Variants in BCAR3 observed in about 807,000 individuals in gnomAD.
BCAR3 encodes BCAR3 adaptor protein, NSP family member, also known as breast cancer anti-estrogen resistance protein 3.
In BCAR3, 37 loss-of-function variants were observed where a neutral mutation model predicts 80.1. The observed-to-expected ratio is 0.46, with a 90% confidence interval of 0.36 to 0.61. The LOEUF (loss-of-function observed/expected upper bound fraction) is 0.61. Ranked by LOEUF, BCAR3 falls within the 20% of genes least tolerant of loss-of-function variation. The pLI, the probability that BCAR3 is intolerant of heterozygous loss-of-function variation, is 0.00. For synonymous variants in BCAR3, 389 were observed against 418.9 expected (o/e 0.93, Z 0.87); for missense variants, 978 against 1,068.2 (o/e 0.92, Z 1.18).
intron 2 of BCAR3, among the ~76,000 whole-genome samples, chr1:93,777,870 T>C (rs1571120589): frequency 6.6e-6 from 1 of 152,374 alleles, no homozygotes; most frequent in African/African-American, 2.4e-5. Flanking sequence ...AATGAGTTGG[T>C]TCCCCAGTAT....
chr1:93,716,850 C>T (rs999368497), intron 2 of BCAR3, among the ~76,000 whole-genome samples: 2 of 152,220 alleles, frequency 1.3e-5, no homozygotes, highest in Non-Finnish European at 2.9e-5. Flanking sequence ...CTGCTTTATG[C>T]AGGAGATGGA....
intron 2 of BCAR3, among the ~76,000 whole-genome samples, chr1:93,762,635 A>G (rs926729795): frequency 2.0e-5 from 3 of 152,022 alleles, no homozygotes; most frequent in Non-Finnish European, 2.9e-5. Flanking sequence ...CCCGAACCCA[A>G]TCATTGTCAC....
At chr1:93,580,984 A>G (rs1352494136) in intron 7 of BCAR3, among the ~76,000 whole-genome samples, 1 of 152,150 alleles carries the variant, frequency 6.6e-6, no homozygotes, top group Non-Finnish European at 1.5e-5. Flanking sequence ...AACATGGCAA[A>G]ACCCTATCTC....
rs772902290 is a variant in BCAR3 at position 93,637,019 on chromosome 1, C to T, written c.357+5285G>A. On this transcript the variant is annotated intron_variant, in intron 3 of 11. Coordinates refer to ENST00000260502, the MANE Select transcript of BCAR3 (RefSeq NM_003567.4). The stretch of plus-strand genomic sequence containing the variant: ...GCTGAGGTGGGAGGATTGCTTGAGC[C>T]GAGGAGTTCAAAGCTTCAGTGAGCT... 3.3e-5 allele frequency among the ~76,000 whole-genome samples: 5 copies of T among 151,984 alleles called. No individual in the cohort carries two copies. The East Asian group carries it at 5.8e-4, about 18-fold the overall frequency.
chr1:93,760,353 A>G (rs1398835076), intron 2 of BCAR3, among the ~76,000 whole-genome samples: 1 of 152,078 alleles, frequency 6.6e-6, no homozygotes, highest in Non-Finnish European at 1.5e-5. Context: ...TCCAGCTTAT[A>G]AGGCGATAAA....
chr1:93,731,662 TAAAATAAAA>T (rs923522210), intron 2 of BCAR3, among the ~76,000 whole-genome samples: 4 of 123,002 alleles, frequency 3.3e-5, no homozygotes, highest in Non-Finnish European at 6.7e-5. Flanking sequence ...TAAAATAAAA[TAAAATAAAA>T]TAAAATAAAA....
At chr1:93,809,555 G>A (rs115770160) in intron 2 of BCAR3, among the ~76,000 whole-genome samples, 1,710 of 151,922 alleles carry the variant, frequency 0.011, 17 homozygotes, top group South Asian at 0.025. Context: ...ATCACCTGGG[G>A]TTAGGAGTTT....
At chr1:93,711,910 T>G (rs1015288623) in intron 2 of BCAR3, among the ~76,000 whole-genome samples, 1 of 152,138 alleles carries the variant, frequency 6.6e-6, no homozygotes, top group African/African-American at 2.4e-5. Flanking sequence ...ATGCCAACTC[T>G]TTTCAAACCC....
chr1:93,600,751 C>G (rs1674596505), intron 3 of BCAR3: 1 of 152,278 alleles, frequency 6.6e-6, no homozygotes, highest in South Asian at 2.1e-4. Context: ...GACAGTGACA[C>G]ATCTGTAGAG....
chr1:93,638,164 G>T (rs1164783174), intron 3 of BCAR3, among the ~76,000 whole-genome samples: 1 of 152,174 alleles, frequency 6.6e-6, no homozygotes, highest in Non-Finnish European at 1.5e-5. Context: ...CAGGATAATC[G>T]CTTGAACCTG....
chr1:93,583,867 C>A, intron 6 of BCAR3, 151 bp downstream of exon 6: 1 of 705,134 alleles, frequency 1.4e-6, no homozygotes, highest in Non-Finnish European at 2.4e-6. Context: ...GCTTCGCCGC[C>A]GGATATAATT....
intron 3 of BCAR3, among the ~76,000 whole-genome samples, chr1:93,614,613 C>T (rs550912542): frequency 6.6e-6 from 1 of 152,118 alleles, no homozygotes; most frequent in Non-Finnish European, 1.5e-5. Context: ...CAGCTGATAA[C>T]GTTGGCACAG....
intron 2 of BCAR3, among the ~76,000 whole-genome samples, chr1:93,817,752 T>A (rs1033613467): frequency 3.9e-5 from 6 of 152,168 alleles, no homozygotes; most frequent in Non-Finnish European, 5.9e-5. Flanking sequence ...ACATTCTCCA[T>A]CCTGGCTTTG....
intron 2 of BCAR3, among the ~76,000 whole-genome samples, chr1:93,815,204 G>T (rs1653973942): frequency 6.6e-6 from 1 of 152,166 alleles, no homozygotes; most frequent in African/African-American, 2.4e-5. Flanking sequence ...TCACCTCCCA[G>T]GTGGCCCAGA....
chr1:93,639,893 T>C (rs1233089545), intron 3 of BCAR3, among the ~76,000 whole-genome samples: 1 of 152,098 alleles, frequency 6.6e-6, no homozygotes, highest in Non-Finnish European at 1.5e-5. Context: ...TGGATGAGAC[T>C]CAGGATAGGA....
chr1:93,786,981 C>G (rs1363209779), intron 2 of BCAR3, among the ~76,000 whole-genome samples: 1 of 152,210 alleles, frequency 6.6e-6, no homozygotes, highest in African/African-American at 2.4e-5. Flanking sequence ...GCCTGGGAAG[C>G]TGCATTTTTC....
chr1:93,684,182 G>A (rs1648895815), upstream of BCAR3, among the ~76,000 whole-genome samples: 1 of 152,120 alleles, frequency 6.6e-6, no homozygotes, highest in South Asian at 2.1e-4. Flanking sequence ...TTTCTAAATC[G>A]AAGTATCCGA....
At chr1:93,583,944 G>C in intron 6 of BCAR3, 74 bp downstream of exon 6, 1 of 1,427,288 alleles carries the variant, frequency 7.0e-7, no homozygotes, top group South Asian at 1.2e-5. Context: ...GAGACAACTA[G>C]ATGGGGCAGG....
chr1:93,843,656 T>G (rs567152176), intron 2 of BCAR3, among the ~76,000 whole-genome samples: 3 of 152,232 alleles, frequency 2.0e-5, no homozygotes, highest in Admixed American at 2.0e-4. Context: ...AGTAGTATAA[T>G]AGAGCATCCT....
Sources: allele counts gnomAD v4.1 joint callset (sites outside exome capture counted in the v4.1 genomes callset), GRCh38; gene constraint gnomAD v4.1.1; transcripts MANE v1.5; gene names NCBI Gene and HGNC (gene_info 2026-07-23, HGNC 2026-07-21).